Variants in NEDD4 observed in about 807,000 individuals in gnomAD.
NEDD4 encodes the protein E3 ubiquitin-protein ligase NEDD4.
Under a neutral mutation model 144.9 loss-of-function variants are expected in NEDD4, and 99 were observed. That is an observed-to-expected ratio of 0.68 (90% CI 0.58 to 0.81). NEDD4 has a LOEUF of 0.81. Ranked by LOEUF, NEDD4 falls within the 30% of genes least tolerant of loss-of-function variation. NEDD4 has a pLI of 0.00. For missense variants in NEDD4, 985 were observed against 1,065.9 expected, an observed-to-expected ratio of 0.92 and a Z score of 1.06; for synonymous variants, 318 against 350.6, an observed-to-expected ratio of 0.91 and a Z score of 1.04.
chr15:55,897,902 A>C (rs1427780961), intron 5 of NEDD4, among the ~76,000 whole-genome samples: 7 of 152,178 alleles, frequency 4.6e-5, no homozygotes, highest in African/African-American at 1.7e-4. Context: ...TCTAGTGGCC[A>C]TGAGCCACAC....
At chr15:55,841,800 T>C in intron 19 of NEDD4, 134 bp downstream of exon 19, 2 of 689,604 alleles carry the variant, frequency 2.9e-6, no homozygotes, top group Non-Finnish European at 5.1e-6. Flanking sequence ...CTCGATATCC[T>C]GACCTTGTGA....
intron 21 of NEDD4, among the ~76,000 whole-genome samples, chr15:55,839,033 A>ATT (rs36010044): frequency 2.0e-4 from 29 of 145,922 alleles, no homozygotes; most frequent in Middle Eastern, 3.5e-3. Context: ...TTTTAATTTA[A>ATT]TTTTTTTTTT....
intron 8 of NEDD4, among the ~76,000 whole-genome samples, chr15:55,865,197 C>CA (rs34140490): frequency 0.6 from 50,855 of 84,596 alleles, 14,011 homozygotes; most frequent in South Asian, 0.66. Context: ...GACTCTGTCT[C>CA]AAAAAAAAAA....
At chr15:55,923,078 G>T (rs1188918147) in intron 5 of NEDD4, among the ~76,000 whole-genome samples, 1 of 151,988 alleles carries the variant, frequency 6.6e-6, no homozygotes, top group Non-Finnish European at 1.5e-5. Context: ...CAGCTACTTG[G>T]AAGGCTGAGG....
intron 4 of NEDD4, among the ~76,000 whole-genome samples, chr15:55,926,073 TAAAA>T: frequency 6.6e-6 from 1 of 152,046 alleles, no homozygotes; most frequent in African/African-American, 2.4e-5. Flanking sequence ...TATACGTATG[TAAAA>T]ATACATATAC....
At chr15:55,931,663 A>T (rs2036784658) in intron 4 of NEDD4, among the ~76,000 whole-genome samples, 1 of 152,232 alleles carries the variant, frequency 6.6e-6, no homozygotes, top group Non-Finnish European at 1.5e-5. Context: ...ATATGATTCT[A>T]TTGTGTTCAT....
At chr15:55,948,533 A>G (rs1265478728) in intron 4 of NEDD4, among the ~76,000 whole-genome samples, 3 of 152,236 alleles carry the variant, frequency 2.0e-5, no homozygotes, top group African/African-American at 7.2e-5. Context: ...TGGAGGCATC[A>G]TGCTACCTGA....
rs539503770 is a variant in NEDD4 at position 55,903,757 on chromosome 15, G to A, written c.291+20889C>T. ...GGAGAATGGCGTGAACCCGGGAGGC[G>A]GAGGTTGCAATGAGCCGAGATCGTG... On this transcript the variant is annotated intron_variant, in intron 5 of 28. Transcript: ENST00000435532. Among the ~76,000 whole-genome samples the A allele has an allele frequency of 3.0e-4, 45 of 150,740 alleles. 1 individual carries two copies. The highest frequency in any genetic ancestry group is 2.1e-4 in the South Asian group (1 of 4,750).
At chr15:55,945,073 C>A (rs1398250455) in intron 4 of NEDD4, among the ~76,000 whole-genome samples, 2 of 151,806 alleles carry the variant, frequency 1.3e-5, no homozygotes, top group Non-Finnish European at 2.9e-5. Context: ...AGCAGAAAAG[C>A]TGAAAATTCT....
chr15:55,840,943 C>G (rs527596752), intron 19 of NEDD4, among the ~76,000 whole-genome samples: 2 of 152,226 alleles, frequency 1.3e-5, no homozygotes, highest in African/African-American at 4.8e-5. Context: ...TTTGTTTGTT[C>G]GTTTGTTTTT....
intron 5 of NEDD4, chr15:55,915,879 A>C: frequency 6.2e-7 from 1 of 1,614,034 alleles, no homozygotes; most frequent in Non-Finnish European, 8.5e-7. Flanking sequence ...TGTTGAAAGA[A>C]ATCCTTTAGC....
intron 1 of NEDD4, among the ~76,000 whole-genome samples, chr15:55,970,594 A>G (rs1306693454): frequency 1.3e-5 from 2 of 152,152 alleles, no homozygotes; most frequent in African/African-American, 4.8e-5. Context: ...AGAGACTCCA[A>G]TTGGTTGGGG....
chr15:55,912,251 T>C (rs1472082102), intron 5 of NEDD4, among the ~76,000 whole-genome samples: 1 of 152,118 alleles, frequency 6.6e-6, no homozygotes, highest in Admixed American at 6.6e-5. Flanking sequence ...TAATGGAACA[T>C]TAAAGTAAGT....
intron 5 of NEDD4, among the ~76,000 whole-genome samples, chr15:55,878,500 TA>T (rs1489895357): frequency 2.0e-5 from 3 of 152,030 alleles, no homozygotes; most frequent in African/African-American, 7.2e-5. Flanking sequence ...ATAGCTAAAA[TA>T]AAAAAAGTCT....
At chr15:55,888,689 C>T (rs1323267165) in intron 5 of NEDD4, among the ~76,000 whole-genome samples, 1 of 152,174 alleles carries the variant, frequency 6.6e-6, no homozygotes, top group Non-Finnish European at 1.5e-5. Context: ...AATCACATTA[C>T]CTGACATCAA....
At position 55,830,515 on chromosome 15, in the gene NEDD4, A is replaced by G; in HGVS notation, c.2599T>C (p.Cys867Arg). 1 of 1,613,736 alleles carries G rather than the reference A, an allele frequency of 6.2e-7. No individual in the cohort carries two copies. Among genetic ancestry groups the G allele is most frequent in the Non-Finnish European group, 8.5e-7 (1 of 1,179,624 alleles). Reference protein sequence around the residue: ...TPEKLPRAHTCFNRLDLPPYE... With the variant: ...TPEKLPRAHTRFNRLDLPPYE... ...ATCAAGGTCCAAACAACTGCTTACC[A>G]GGTATGAGCTCTTGGCAGCTTTTCA... The change falls in exon 28 of 29, where the codon TGT becomes CGT. Residue 867 changes from cysteine to arginine, a missense_variant and splice_region_variant. Cys to Arg is a radical substitution (Grantham distance 180, BLOSUM62 -3). Transcript: ENST00000435532.
At chr15:55,935,118 T>C (rs1410247967) in intron 4 of NEDD4, among the ~76,000 whole-genome samples, 3 of 152,150 alleles carry the variant, frequency 2.0e-5, no homozygotes, top group Admixed American at 1.3e-4. Context: ...TCCACCCTCC[T>C]CGGCCTCCCA....
chr15:55,832,966 C>T lies in NEDD4; in HGVS notation c.2527+42G>A, dbSNP rs181443404. 3.6e-3 allele frequency: 4,630 copies of T among 1,298,618 alleles called. 28 individuals carry two copies. Among genetic ancestry groups the T allele is most frequent in the Middle Eastern group, 9.1e-3 (49 of 5,392 alleles). The allele number at this position is 1,298,618 out of a possible 1,614,324, so 80.4% of individuals were successfully genotyped here. A position where few individuals can be genotyped will look rare whatever the true frequency, so the allele number is the denominator to read the frequency against. On this transcript the variant is annotated intron_variant, in intron 27 of 28. Transcript: ENST00000435532. ...TTCGTCAGCCATGAAAAAGACAATACGCATTATTCCATTTTTTTAATGATC... is the reference window on the plus strand; with the variant it reads ...TTCGTCAGCCATGAAAAAGACAATATGCATTATTCCATTTTTTTAATGATC...
At chr15:55,933,177 TG>T (rs2036816114) in intron 4 of NEDD4, among the ~76,000 whole-genome samples, 1 of 152,112 alleles carries the variant, frequency 6.6e-6, no homozygotes, top group Non-Finnish European at 1.5e-5. Flanking sequence ...ATCCCATTAC[TG>T]GGTATATACC....
Sources: gnomAD v4.1 joint callset for allele counts (sites outside exome capture counted in the v4.1 genomes callset) on GRCh38, gnomAD v4.1.1 for gene constraint, MANE v1.5 for transcripts, NCBI Gene and HGNC (gene_info 2026-07-23, HGNC 2026-07-21) for gene names.